Variants in PRKN observed in about 807,000 individuals in gnomAD.
The protein encoded by PRKN is parkin RBR E3 ubiquitin protein ligase, also known as E3 ubiquitin-protein ligase parkin.
PRKN carries 56 observed loss-of-function variants against 59.5 expected under a neutral mutation model. The ratio of observed to expected loss-of-function variants is 0.94; its 90% CI spans 0.76 to 1.18. The LOEUF (loss-of-function observed/expected upper bound fraction) is 1.18, where lower values mean the gene tolerates loss of function less well. Ranked by LOEUF, PRKN falls within the 50% of genes most tolerant of loss-of-function variation. PRKN has a pLI of 0.00. For missense variants in PRKN, 657 were observed against 596.4 expected (o/e 1.10, Z -1.06); for synonymous variants, 250 against 222.1 (o/e 1.13, Z -1.12).
intron 7 of PRKN, among the ~76,000 whole-genome samples, chr6:161,616,757 G>A (rs1311431374): frequency 6.6e-6 from 1 of 152,162 alleles, no homozygotes; most frequent in Non-Finnish European, 1.5e-5. Flanking sequence ...CCTTAAGGCT[G>A]CAAAGTATTC....
intron 1 of PRKN, among the ~76,000 whole-genome samples, chr6:162,637,522 G>A (rs1341136641): frequency 2.6e-5 from 4 of 152,108 alleles, no homozygotes; most frequent in South Asian, 2.1e-4. Flanking sequence ...CAGCCAGTAC[G>A]GAAGCAGGGC....
Position 161,373,808 on chromosome 6 carries a change from G to A in PRKN, c.1167+12986C>T, listed in dbSNP as rs375977721. On this transcript the variant is annotated intron_variant, in intron 10 of 11. Coordinates refer to ENST00000366898, the MANE Select transcript of PRKN (RefSeq NM_004562.3). The surrounding 1 kb of genome is among the most constrained non-coding windows in gnomAD (Gnocchi z 4.8). ...ATATTTTGTCCCCCCTGCCAGCCCCGTTTTTAATGAAGGAATTATGGGGGC... is the reference window on the plus strand; with the variant it reads ...ATATTTTGTCCCCCCTGCCAGCCCCATTTTTAATGAAGGAATTATGGGGGC... Among the ~76,000 whole-genome samples, 4 of 152,206 alleles carry A rather than the reference G, an allele frequency of 2.6e-5. No homozygotes were observed. The highest frequency in any genetic ancestry group is 4.1e-4 in the South Asian group (2 of 4,828).
In PRKN at chr6:162,286,491, C is replaced by T. The variant is rs560909429; in HGVS notation, c.172-23726G>A. 1.3e-4 allele frequency among the ~76,000 whole-genome samples: 20 copies of T among 152,280 alleles called. No individual in the cohort carries two copies. The South Asian group carries it at 4.1e-3, about 32-fold the overall frequency. Reference sequence around the variant, plus strand: ...TACTTTTAAGCCCACTGGCATTATACATGCAATACTGACTCCAATAAAATT... The same window carrying T: ...TACTTTTAAGCCCACTGGCATTATATATGCAATACTGACTCCAATAAAATT... On this transcript the variant is annotated intron_variant, in intron 2 of 11. Coordinates refer to ENST00000366898, the MANE Select transcript of PRKN (RefSeq NM_004562.3).
intron 5 of PRKN, among the ~76,000 whole-genome samples, chr6:162,012,181 C>A (rs1782753752): frequency 6.6e-6 from 1 of 152,034 alleles, no homozygotes; most frequent in Admixed American, 6.6e-5. Context: ...TATTTGATTT[C>A]TTTGGGAATT....
chr6:162,071,720 C>T (rs965349097), intron 4 of PRKN, among the ~76,000 whole-genome samples: 2 of 151,816 alleles, frequency 1.3e-5, no homozygotes, highest in Admixed American at 6.6e-5. Flanking sequence ...CCACAGCCTC[C>T]GAGTAGCTGG....
intron 9 of PRKN, among the ~76,000 whole-genome samples, chr6:161,424,758 G>A (rs1371417869): frequency 3.9e-5 from 6 of 152,170 alleles, no homozygotes; most frequent in Admixed American, 3.9e-4. Context: ...AAACCACTGT[G>A]AGCAATCAAA....
At chr6:162,608,368 C>T (rs1782006238) in intron 1 of PRKN, among the ~76,000 whole-genome samples, 1 of 152,106 alleles carries the variant, frequency 6.6e-6, no homozygotes, top group Admixed American at 6.6e-5. Flanking sequence ...ATGTAGGACC[C>T]TGTGGCTCAA....
At chr6:162,024,350 A>C (rs1008776879) in intron 5 of PRKN, among the ~76,000 whole-genome samples, 1 of 151,998 alleles carries the variant, frequency 6.6e-6, no homozygotes, top group Non-Finnish European at 1.5e-5. Context: ...GCATGTGCCA[A>C]CATGCCCAGC....
At chr6:161,970,588 A>T (rs1231858710) in intron 6 of PRKN, among the ~76,000 whole-genome samples, 1 of 151,514 alleles carries the variant, frequency 6.6e-6, no homozygotes, top group Non-Finnish European at 1.5e-5. Flanking sequence ...CCCTGGCTGG[A>T]GCGCAGTGGT....
chr6:162,458,984 C>T (rs891677773), intron 1 of PRKN, among the ~76,000 whole-genome samples: 8 of 152,054 alleles, frequency 5.3e-5, no homozygotes, highest in Non-Finnish European at 7.4e-5. Context: ...CCACACCTGG[C>T]TAATTTTTGT....
rs1202874490 is a variant in PRKN at position 162,520,100 on chromosome 6, A to AT, written c.8-76628dup. On this transcript the variant is annotated intron_variant, in intron 1 of 11. Coordinates refer to ENST00000366898, the MANE Select transcript of PRKN (RefSeq NM_004562.3). ...CCCTCATCTCTACAAAAATATATAT[A>AT]TATTTTTAAATATGGCTTAGTGTGG... 2.6e-5 allele frequency among the ~76,000 whole-genome samples: 4 copies of AT among 152,220 alleles called. No individual in the cohort carries two copies. The East Asian group carries it at 7.7e-4, about 29-fold the overall frequency.
At chr6:161,660,269 C>CTCTT (rs1784495267) in intron 7 of PRKN, among the ~76,000 whole-genome samples, 1 of 152,152 alleles carries the variant, frequency 6.6e-6, no homozygotes, top group Admixed American at 6.6e-5. Context: ...TATAGCAGTG[C>CTCTT]TCTGAAAGCC....
chr6:162,137,572 T>C lies in PRKN; in HGVS notation c.534+63559A>G, dbSNP rs1002696089. 5.9e-5 allele frequency among the ~76,000 whole-genome samples: 9 copies of C among 152,280 alleles called. 1 individual carries two copies. In the South Asian group the frequency reaches 1.9e-3, roughly 32 times the overall value. ...ACACTGGGTAAATTAGGAACAGAAA[T>C]GTATTGGCTCACAGCTCTGGGGACT... On this transcript the variant is annotated intron_variant, in intron 4 of 11. Transcript: ENST00000366898.
intron 1 of PRKN, among the ~76,000 whole-genome samples, chr6:162,493,636 T>C (rs1792920604): frequency 6.6e-6 from 1 of 152,204 alleles, no homozygotes; most frequent in Non-Finnish European, 1.5e-5. Flanking sequence ...AAATGGGGAA[T>C]ACTGAAAGTT....
intron 1 of PRKN, among the ~76,000 whole-genome samples, chr6:162,483,048 T>C (rs1321129418): frequency 6.6e-6 from 1 of 152,200 alleles, no homozygotes; most frequent in Non-Finnish European, 1.5e-5. Flanking sequence ...AATGACTATA[T>C]GATTATACCT....
chr6:162,714,512 G>C (rs1330483776), intron 1 of PRKN, among the ~76,000 whole-genome samples: 3 of 152,150 alleles, frequency 2.0e-5, no homozygotes, highest in Non-Finnish European at 4.4e-5. Flanking sequence ...AAGGCTTTTG[G>C]CATTATAAAT....
intron 1 of PRKN, among the ~76,000 whole-genome samples, chr6:162,447,699 C>T (rs9365436): frequency 0.55 from 83,001 of 151,674 alleles, 23,643 homozygotes; most frequent in East Asian, 0.7. Context: ...GTATAAACTT[C>T]ATAAATATAG....
At chr6:162,063,859 T>C (rs1778211009) in intron 4 of PRKN, among the ~76,000 whole-genome samples, 1 of 152,218 alleles carries the variant, frequency 6.6e-6, no homozygotes, top group Non-Finnish European at 1.5e-5. Flanking sequence ...AATTTCTTAT[T>C]ACGTTAAACA....
At chr6:162,303,143 A>G (rs1337433109) in intron 2 of PRKN, among the ~76,000 whole-genome samples, 1 of 152,126 alleles carries the variant, frequency 6.6e-6, no homozygotes, top group African/African-American at 2.4e-5. Context: ...AAAATCCACA[A>G]TATTTTAATG....
Sources: gnomAD v4.1 joint callset for allele counts (sites outside exome capture counted in the v4.1 genomes callset) on GRCh38, gnomAD v4.1.1 for gene constraint, Gnocchi (gnomAD v3.1) non-coding constraint, MANE v1.5 for transcripts, NCBI Gene and HGNC (gene_info 2026-07-23, HGNC 2026-07-21) for gene names.